The following TUT7 variants were observed in gnomAD, a reference collection of about 807,000 sequenced individuals.
TUT7 encodes terminal uridylyltransferase 7.
A neutral mutation model predicts 165.9 loss-of-function variants in TUT7; 33 were observed. The observed-to-expected ratio is 0.20, with a 90% CI of 0.15 to 0.27. The LOEUF is 0.27. Ranked by LOEUF, TUT7 falls within the 10% of genes least tolerant of loss-of-function variation. The pLI is 1.00. For synonymous variants in TUT7, 552 were observed against 608.1 expected (o/e 0.91, Z 1.36); for missense variants, 1,338 against 1,762.3 (o/e 0.76, Z 4.31).
In TUT7 at chr9:86,287,842, G is replaced by A. The variant is rs1027745440; in HGVS notation, c.*835C>T. On this transcript the variant is annotated 3_prime_UTR_variant, in exon 27 of 27. Transcript: ENST00000375963. Reference sequence around the variant, plus strand: ...TTGAAATTAAAGAAACAGTCCAGGAGGGCTCCAGTCAGACCCAGAATGACA... The same window carrying A: ...TTGAAATTAAAGAAACAGTCCAGGAAGGCTCCAGTCAGACCCAGAATGACA... The A allele has an allele frequency of 6.6e-6, 1 of 152,070 alleles. No individual in the cohort carries two copies. Among genetic ancestry groups the A allele is most frequent in the Admixed American group, 6.6e-5 (1 of 15,264 alleles). 9.4% of individuals were successfully genotyped at this position (152,070 alleles called of 1,614,324 possible).
At chr9:86,319,552 C>T in intron 15 of TUT7, 32 bp downstream of exon 15, 1 of 1,471,652 alleles carries the variant, frequency 6.8e-7, no homozygotes, top group Non-Finnish European at 9.3e-7. Flanking sequence ...GGTTACACTA[C>T]TTTTCTTAAA....
rs376122657 is a variant in TUT7, at chr9:86,351,049, G to A, written c.520+1631C>T. On this transcript the variant is annotated intron_variant, in intron 2 of 26. Transcript: ENST00000375963. ...CTTGGGAGGCTGAGACATGAGAACCGCTTGATCCTGGGAGGCAGAGGCCAC... is the reference window on the plus strand; with the variant it reads ...CTTGGGAGGCTGAGACATGAGAACCACTTGATCCTGGGAGGCAGAGGCCAC... Among the ~76,000 whole-genome samples the A allele has an allele frequency of 2.7e-4, 41 of 151,116 alleles. No individual in the cohort carries two copies. In the South Asian group the frequency reaches 8.4e-3, roughly 31 times the overall value.
chr9:86,318,903 A>G, intron 16 of TUT7, 55 bp downstream of exon 16: 2 of 1,385,394 alleles, frequency 1.4e-6, no homozygotes, highest in Non-Finnish European at 2.0e-6. Flanking sequence ...ATGCCAGTCT[A>G]GATTGGTTAA....
chr9:86,331,602 A>G (rs1039959469), intron 10 of TUT7, among the ~76,000 whole-genome samples: 2 of 152,186 alleles, frequency 1.3e-5, no homozygotes, highest in Non-Finnish European at 2.9e-5. Context: ...TGTCTTTGGC[A>G]TATTTTTTCC....
In TUT7 at chr9:86,352,811, T is replaced by A. The variant is rs756832197; in HGVS notation, c.389A>T (p.Lys130Ile). 6.2e-7 allele frequency: 1 copy of A among 1,614,202 alleles called. No individual in the cohort carries two copies. The highest frequency in any genetic ancestry group is 1.7e-5 in the Admixed American group (1 of 60,028). Residue 130 changes from lysine to isoleucine, a missense_variant, in exon 2 of 27, where the codon AAA (lysine) becomes ATA (isoleucine). Lys to Ile is a moderately radical substitution (Grantham distance 102). Coordinates refer to ENST00000375963, the MANE Select transcript of TUT7 (RefSeq NM_024617.4). ...ATCTTCATTTTCTTGAAAGGAGTCT[T>A]TTCTTTGTCGGTTTATAACAGGAAT... ...PRIPVINRQR[K>I]DSFQENEDGY... is the part of the protein sequence containing the mutation.
rs186054164 is a variant in TUT7 at position 86,338,720 on chromosome 9, T to C, written c.1335+103A>G. ...TCAGATGTCTTTCTCTTTTGATGTC[T>C]ATAAATTTGCATTTAAACACTGAAG... On this transcript the variant is annotated intron_variant, in intron 9 of 26. Coordinates refer to ENST00000375963, the MANE Select transcript of TUT7 (RefSeq NM_024617.4). The C allele has an allele frequency of 3.6e-4, 456 of 1,278,724 alleles. 3 individuals are homozygous for C. In the East Asian group the frequency reaches 0.012, roughly 34 times the overall value. The allele number at this position is 1,278,724 out of a possible 1,614,324, so 79.2% of individuals were successfully genotyped here.
intron 7 of TUT7, among the ~76,000 whole-genome samples, chr9:86,340,485 AAGG>A (rs1831235348): frequency 1.3e-5 from 2 of 152,352 alleles, no homozygotes; most frequent in South Asian, 4.1e-4. Context: ...TAACCAAAAC[AAGG>A]AGGATGGGGA....
Position 86,317,274 on chromosome 9 carries a change from T to A in TUT7, c.3219A>T (p.Gly1073=), listed in dbSNP as rs1408819339. ...CTTCAATAGTTCTGACACAGTCCAA[T>A]CCCTACAACAAAGAAGGCATAAAGA... ...MTINGLETAE[G]LDCVRTIEEL... The change falls in exon 17 of 27, where the codon GGA becomes GGT. Residue 1073 remains glycine (G), a splice_region_variant and synonymous_variant. Transcript: ENST00000375963. 1.2e-6 allele frequency: 2 copies of A among 1,613,148 alleles called. No individual in the cohort carries two copies. The highest frequency in any genetic ancestry group is 1.7e-6 in the Non-Finnish European group (2 of 1,179,634).
At position 86,303,433 on chromosome 9, in the gene TUT7, C is replaced by T. The variant is rs983351213; in HGVS notation, c.3979-232G>A. Among the ~76,000 whole-genome samples, 45 of 152,268 alleles carry T rather than the reference C, an allele frequency of 3.0e-4. 1 individual carries two copies. The highest frequency in any genetic ancestry group is 1.0e-3 in the African/African-American group (42 of 41,546). The stretch of plus-strand genomic sequence containing the variant: ...ATTCCTTTTAGTCATGCAGAGCACT[C>T]GTGAGCCCTAACCCTAAAGGTTTAA... On this transcript the variant is annotated intron_variant, in intron 24 of 26. Transcript: ENST00000375963.
At chr9:86,313,642 C>G (rs971840290) in intron 17 of TUT7, among the ~76,000 whole-genome samples, 2 of 152,124 alleles carry the variant, frequency 1.3e-5, no homozygotes, top group African/African-American at 4.8e-5. Flanking sequence ...TTATACTGAA[C>G]CTAGTGTGGG....
intron 15 of TUT7, 40 bp downstream of exon 15, chr9:86,319,544 T>C (rs1274035016): frequency 1.5e-6 from 2 of 1,375,030 alleles, no homozygotes; most frequent in Non-Finnish European, 2.0e-6. Context: ...GGAAAAAAGG[T>C]TACACTACTT....
intron 10 of TUT7, among the ~76,000 whole-genome samples, chr9:86,328,912 A>T (rs779773123): frequency 5.9e-5 from 9 of 151,996 alleles, no homozygotes; most frequent in East Asian, 5.8e-4. Context: ...GTTATGATAT[A>T]AAAAAAATGA....
intron 17 of TUT7, among the ~76,000 whole-genome samples, chr9:86,316,391 G>C (rs1188403742): frequency 6.6e-6 from 1 of 152,186 alleles, no homozygotes; most frequent in East Asian, 1.9e-4. Flanking sequence ...GAGCCCAGGA[G>C]TTCAGAGACT....
chr9:86,305,313 C>A lies in TUT7; in HGVS notation c.3839-74G>T. 4.0e-6 allele frequency: 4 copies of A among 1,007,096 alleles called. No individual in the cohort carries two copies. In the Admixed American group the frequency reaches 7.6e-5, roughly 19 times the overall value. The allele number at this position is 1,007,096 out of a possible 1,614,324, so 62.4% of individuals were successfully genotyped here. The stretch of plus-strand genomic sequence containing the variant: ...CACCATTCATCCAATAAGTAAAGTT[C>A]ATAAAACAAGACAAGAATATCATCT... On this transcript the variant is annotated intron_variant, in intron 22 of 26. Transcript: ENST00000375963.
chr9:86,352,548 T>C (rs748770295), intron 2 of TUT7, 132 bp downstream of exon 2: 2 of 1,023,368 alleles, frequency 2.0e-6, no homozygotes, highest in South Asian at 1.3e-5. Context: ...TCACACTAAG[T>C]GACCATTTCT....
At chr9:86,318,366 A>C (rs1440957162) in intron 16 of TUT7, among the ~76,000 whole-genome samples, 1 of 152,234 alleles carries the variant, frequency 6.6e-6, no homozygotes, top group African/African-American at 2.4e-5. Context: ...ATTCTGTCCC[A>C]ATAAAACTTT....
In TUT7 at chr9:86,303,186, G is replaced by T; in HGVS notation, c.3994C>A (p.Pro1332Thr). 1 of 1,590,908 alleles carries T rather than the reference G, an allele frequency of 6.3e-7. No homozygotes were observed. The highest frequency in any genetic ancestry group is 8.6e-7 in the Non-Finnish European group (1 of 1,166,956). Residue 1332 changes from proline to threonine, a missense_variant, in exon 25 of 27, where the codon CCA becomes ACA. Pro to Thr is a conservative substitution (Grantham distance 38). Coordinates refer to ENST00000375963, the MANE Select transcript of TUT7 (RefSeq NM_024617.4). ...AGCTCTCCTTCAGTTAACACATCTG[G>T]ATCAAAAAAGTATTCCTAGAAGAAC... Reference protein sequence around the residue: ...YPSKMEYFFDPDVLTEGELAP... With the variant: ...YPSKMEYFFDTDVLTEGELAP...
intron 16 of TUT7, among the ~76,000 whole-genome samples, chr9:86,318,372 A>G (rs1189933926): frequency 2.0e-5 from 3 of 152,174 alleles, no homozygotes; most frequent in Non-Finnish European, 1.5e-5. Context: ...TCCCAATAAA[A>G]CTTTATTTAC....
intron 18 of TUT7, 126 bp from the exon 19 acceptor site, chr9:86,310,143 T>A: frequency 1.4e-6 from 1 of 733,444 alleles, no homozygotes; most frequent in Non-Finnish European, 2.1e-6. Flanking sequence ...GGTCATGAAC[T>A]CCTGGGCTCA....
Sources: allele counts gnomAD v4.1 joint callset (sites outside exome capture counted in the v4.1 genomes callset), GRCh38; gene constraint gnomAD v4.1.1; transcripts MANE v1.5; gene names NCBI Gene and HGNC (gene_info 2026-07-23, HGNC 2026-07-21).